PCDH9: variants seen among roughly 807,000 people sequenced by gnomAD.
PCDH9 encodes protocadherin-9.
A neutral mutation model predicts 70.6 loss-of-function variants in PCDH9; 24 were observed. That is an observed-to-expected ratio of 0.34 (90% CI 0.25 to 0.48). PCDH9 has a LOEUF of 0.48. Ranked by LOEUF, PCDH9 falls within the 20% of genes least tolerant of loss-of-function variation. The pLI is 0.99. For missense variants in PCDH9, 1,281 were observed against 1,503.6 expected, an observed-to-expected ratio of 0.85 and a Z score of 2.45; for synonymous variants, 562 against 558.5, an observed-to-expected ratio of 1.01 and a Z score of -0.09.
At chr13:67,101,938 A>G (rs1231988327) in intron 2 of PCDH9, among the ~76,000 whole-genome samples, 1 of 152,162 alleles carries the variant, frequency 6.6e-6, no homozygotes, top group Non-Finnish European at 1.5e-5. Flanking sequence ...GAGTAATTGA[A>G]AATTTCTAAA....
chr13:66,352,313 T>G (rs1207356943), intron 4 of PCDH9, among the ~76,000 whole-genome samples: 1 of 152,214 alleles, frequency 6.6e-6, no homozygotes, highest in East Asian at 1.9e-4. Context: ...TATCTGTGCC[T>G]TTGCATGCCC....
intron 2 of PCDH9, among the ~76,000 whole-genome samples, chr13:66,944,693 C>T (rs1232378645): frequency 1.3e-5 from 2 of 152,104 alleles, no homozygotes; most frequent in Non-Finnish European, 2.9e-5. Context: ...ACCAACCCTC[C>T]CTGGGGAGGT....
intron 3 of PCDH9, among the ~76,000 whole-genome samples, chr13:66,661,660 T>C (rs2078010433): frequency 6.6e-6 from 1 of 152,156 alleles, no homozygotes; most frequent in African/African-American, 2.4e-5. Flanking sequence ...TCAGCACACA[T>C]GTACAATTAG....
chr13:67,204,693 C>G (rs1442461187), intron 2 of PCDH9: 1 of 152,168 alleles, frequency 6.6e-6, no homozygotes, highest in East Asian at 1.9e-4. Flanking sequence ...TCACCAACAT[C>G]CAGAATGTCA....
intron 4 of PCDH9, among the ~76,000 whole-genome samples, chr13:66,539,760 A>T (rs1156651788): frequency 6.6e-6 from 1 of 151,236 alleles, no homozygotes; most frequent in East Asian, 1.9e-4. Flanking sequence ...AACATTTACA[A>T]TTTTTTTTGC....
intron 3 of PCDH9, among the ~76,000 whole-genome samples, chr13:66,791,533 G>C (rs2080163503): frequency 6.6e-6 from 1 of 151,976 alleles, no homozygotes; most frequent in Admixed American, 6.6e-5. Flanking sequence ...AATACAAAAA[G>C]TAATTGTGGT....
chr13:67,168,859 A>T (rs1384952265), intron 2 of PCDH9, among the ~76,000 whole-genome samples: 1 of 152,232 alleles, frequency 6.6e-6, no homozygotes, highest in African/African-American at 2.4e-5. Context: ...TAAATCCCTA[A>T]TTTGAAAAAG....
At chr13:66,496,437 C>G (rs1959118979) in intron 4 of PCDH9, among the ~76,000 whole-genome samples, 1 of 152,142 alleles carries the variant, frequency 6.6e-6, no homozygotes, top group South Asian at 2.1e-4. Flanking sequence ...CTACCACATT[C>G]ATTTCCTCCT....
At chr13:67,180,769 T>C (rs563041264) in intron 2 of PCDH9, among the ~76,000 whole-genome samples, 4 of 152,140 alleles carry the variant, frequency 2.6e-5, no homozygotes, top group Non-Finnish European at 5.9e-5. Flanking sequence ...ATTAGGTCAA[T>C]TGGCATTTCT....
intron 3 of PCDH9, among the ~76,000 whole-genome samples, chr13:66,714,058 T>C (rs2078836019): frequency 6.6e-6 from 1 of 152,200 alleles, no homozygotes; most frequent in Non-Finnish European, 1.5e-5. Flanking sequence ...TTTTGAAGGC[T>C]ATTGCAGGAT....
At chr13:66,847,386 T>C (rs9592490) in intron 3 of PCDH9, among the ~76,000 whole-genome samples, 56,805 of 152,000 alleles carry the variant, frequency 0.37, 10,749 homozygotes, top group African/African-American at 0.42. Context: ...TGTTCTAAGA[T>C]CCCTAGTGGG....
chr13:66,861,606 G>A (rs999835497), intron 3 of PCDH9, among the ~76,000 whole-genome samples: 3 of 152,072 alleles, frequency 2.0e-5, no homozygotes, highest in African/African-American at 4.8e-5. Context: ...ATTTAATAAC[G>A]TAGTCAATAA....
intron 3 of PCDH9, among the ~76,000 whole-genome samples, chr13:66,640,236 T>G (rs1400831771): frequency 6.6e-6 from 1 of 152,174 alleles, no homozygotes; most frequent in Non-Finnish European, 1.5e-5. Context: ...ACAAAATGTG[T>G]GATAAACCTC....
intron 3 of PCDH9, among the ~76,000 whole-genome samples, chr13:66,770,132 G>C (rs1399102021): frequency 6.6e-6 from 1 of 151,962 alleles, no homozygotes. Flanking sequence ...TTAGGATAAA[G>C]GCAGAAACAA....
At chr13:67,182,307 A>C (rs188721213) in intron 2 of PCDH9, among the ~76,000 whole-genome samples, 98 of 152,286 alleles carry the variant, frequency 6.4e-4, no homozygotes, top group Middle Eastern at 6.8e-3. Flanking sequence ...AAAGTGAAAA[A>C]ACATGGAGTT....
chr13:66,851,575 T>TCACACA lies in PCDH9; in HGVS notation c.3138+51923_3138+51928dup, dbSNP rs59674873. ...TATGTAACACCCACCCGCATCACCCTCACACACACACACACACACACACAC... is the reference window on the plus strand; with the variant it reads ...TATGTAACACCCACCCGCATCACCCTCACACACACACACACACACACACACACACAC... On this transcript the variant is annotated intron_variant, in intron 3 of 4. Coordinates refer to ENST00000377865, the MANE Select transcript of PCDH9 (RefSeq NM_203487.3). 9.2e-3 allele frequency among the ~76,000 whole-genome samples: 1,345 copies of TCACACA among 146,834 alleles called. 6 individuals are homozygous for TCACACA. Among genetic ancestry groups the TCACACA allele is most frequent in the African/African-American group, 0.017 (672 of 40,068 alleles).
At chr13:66,416,513 G>A (rs1441815265) in intron 4 of PCDH9, among the ~76,000 whole-genome samples, 4 of 152,104 alleles carry the variant, frequency 2.6e-5, no homozygotes, top group African/African-American at 9.7e-5. Flanking sequence ...AGTGATTAAT[G>A]CCCTAAGATA....
At chr13:67,025,916 G>A (rs1034592355) in intron 2 of PCDH9, among the ~76,000 whole-genome samples, 1 of 151,932 alleles carries the variant, frequency 6.6e-6, no homozygotes, top group Non-Finnish European at 1.5e-5. Context: ...AATTATATTA[G>A]GGTTATCACT....
At chr13:66,738,524 T>C (rs928098225) in intron 3 of PCDH9, among the ~76,000 whole-genome samples, 1 of 138,692 alleles carries the variant, frequency 7.2e-6, no homozygotes, top group Non-Finnish European at 1.6e-5. Context: ...GAAGAAGGCT[T>C]CAGACGATCA....
Sources: gnomAD v4.1 joint callset for allele counts (sites outside exome capture counted in the v4.1 genomes callset) on GRCh38, gnomAD v4.1.1 for gene constraint, MANE v1.5 for transcripts, NCBI Gene and HGNC (gene_info 2026-07-23, HGNC 2026-07-21) for gene names.